The following STK32C variants were observed in gnomAD, a reference collection of about 807,000 sequenced individuals.
The protein encoded by STK32C is serine/threonine-protein kinase 32C.
Under a neutral mutation model 56.5 loss-of-function variants are expected in STK32C, and 31 were observed. That is an observed-to-expected ratio of 0.55 (90% CI 0.41 to 0.74). The LOEUF (loss-of-function observed/expected upper bound fraction) is 0.74, where lower values mean the gene tolerates loss of function less well. Ranked by LOEUF, STK32C falls within the 30% of genes least tolerant of loss-of-function variation. The probability of loss-of-function intolerance (pLI) is 0.00; values close to 1 mark genes in which losing one functional copy is unlikely to be tolerated. For synonymous variants in STK32C, 309 were observed against 289.4 expected, an observed-to-expected ratio of 1.07 and a Z score of -0.69; for missense variants, 544 against 676.9, an observed-to-expected ratio of 0.80 and a Z score of 2.18.
At chr10:132,240,207 C>T (rs372073871) in intron 2 of STK32C, among the ~76,000 whole-genome samples, 1 of 152,200 alleles carries the variant, frequency 6.6e-6, no homozygotes, top group Non-Finnish European at 1.5e-5. Context: ...TCCCAGAACC[C>T]GGACACCTGC....
chr10:132,283,427 G>A (rs771517875), intron 1 of STK32C, among the ~76,000 whole-genome samples: 8 of 152,222 alleles, frequency 5.3e-5, no homozygotes, highest in African/African-American at 1.7e-4. Context: ...CTCACCGTGC[G>A]ACCAGCGGAG....
chr10:132,307,572 C>G lies in STK32C; in HGVS notation c.262G>C (p.Val88Leu). 1.9e-6 allele frequency: 3 copies of G among 1,539,604 alleles called. No homozygotes were observed. The highest frequency in any genetic ancestry group is 2.6e-6 in the Non-Finnish European group (3 of 1,143,932). ...ACGTCGTCCCCGTGCCCGCACTCAC[C>G]GTCCTCCTTGTCGTCAAACACCGGC... ...RRPVFDDKED[V>L]NFDHFQILRA... Residue 88 changes from valine (V) to leucine (L), a missense_variant and splice_region_variant, in exon 1 of 12, where the codon GTG becomes CTG. Val to Leu is a conservative substitution (Grantham distance 32). Transcript: ENST00000298630. The surrounding 1 kb of genome is among the most constrained non-coding windows in gnomAD (Gnocchi z 4.4).
At chr10:132,268,404 A>AGTGTTG (rs2064671975) in intron 1 of STK32C, among the ~76,000 whole-genome samples, 1 of 58,186 alleles carries the variant, frequency 1.7e-5, no homozygotes, top group African/African-American at 7.3e-5. Context: ...TGTGTGTGTC[A>AGTGTTG]GTGTGTGTGC....
intron 1 of STK32C, among the ~76,000 whole-genome samples, chr10:132,327,526 A>C (rs796082495): frequency 7.2e-5 from 11 of 151,830 alleles, no homozygotes; most frequent in African/African-American, 2.7e-4. Context: ...CCCAGGCTGG[A>C]GTGCAGTGGC....
At chr10:132,309,174 C>A (rs1334305386), upstream of STK32C, among the ~76,000 whole-genome samples, 4 of 152,158 alleles carry the variant, frequency 2.6e-5, no homozygotes, top group East Asian at 7.7e-4. Context: ...GTGAGCCCTG[C>A]CTCCCCACGG....
intron 2 of STK32C, among the ~76,000 whole-genome samples, chr10:132,243,571 G>C (rs1565101104): frequency 6.6e-6 from 1 of 152,188 alleles, no homozygotes; most frequent in Non-Finnish European, 1.5e-5. Context: ...GACAGAACCG[G>C]GGGCACCATG....
chr10:132,264,932 T>C (rs555013211), intron 1 of STK32C, among the ~76,000 whole-genome samples: 14 of 152,372 alleles, frequency 9.2e-5, no homozygotes, highest in African/African-American at 1.4e-4. Flanking sequence ...TTCACAAAAG[T>C]TCAAGCCTCA....
At chr10:132,210,651 C>T (rs1488680789) in intron 10 of STK32C, among the ~76,000 whole-genome samples, 1 of 152,362 alleles carries the variant, frequency 6.6e-6, no homozygotes. Context: ...CTCCGATGAA[C>T]GGTTCAGGGA....
chr10:132,223,570 G>A (rs1035642983), intron 8 of STK32C, among the ~76,000 whole-genome samples: 4 of 152,242 alleles, frequency 2.6e-5, no homozygotes, highest in Admixed American at 2.0e-4. Context: ...GTGCCACCTT[G>A]TGAGCCACCT....
At chr10:132,294,457 T>G (rs1327809303) in intron 1 of STK32C, among the ~76,000 whole-genome samples, 1 of 152,078 alleles carries the variant, frequency 6.6e-6, no homozygotes, top group Non-Finnish European at 1.5e-5. Context: ...TGAGTGAGTT[T>G]GAGTTTTGCT....
chr10:132,225,096 A>G, intron 7 of STK32C, 137 bp downstream of exon 7: 2 of 670,718 alleles, frequency 3.0e-6, no homozygotes, highest in Non-Finnish European at 2.5e-6. Flanking sequence ...ACACTTCGAT[A>G]AAAGCGTGAC....
Position 132,240,682 on chromosome 10 carries a change from G to A in STK32C, c.318+5218C>T, listed in dbSNP as rs935734153. Among the ~76,000 whole-genome samples, 11 of 152,194 alleles carry A rather than the reference G, an allele frequency of 7.2e-5. 1 individual carries two copies. The South Asian group carries it at 8.3e-4, about 11-fold the overall frequency. On this transcript the variant is annotated intron_variant, in intron 2 of 11. Coordinates refer to ENST00000298630, the MANE Select transcript of STK32C (RefSeq NM_173575.4). ...CCACAGCCTGGGAAATGCGGACGCCGTGCGCCTGTGCTTCTCTCTCTCTCC... is the reference window on the plus strand; with the variant it reads ...CCACAGCCTGGGAAATGCGGACGCCATGCGCCTGTGCTTCTCTCTCTCTCC...
intron 10 of STK32C, among the ~76,000 whole-genome samples, chr10:132,221,958 T>G (rs2062682816): frequency 6.8e-6 from 1 of 147,596 alleles, no homozygotes; most frequent in African/African-American, 2.5e-5. Context: ...CCGACACACC[T>G]GGGCTAGTCT....
downstream of STK32C, chr10:132,323,963 C>T (rs1020803996): frequency 1.2e-4 from 50 of 403,996 alleles, no homozygotes; most frequent in Admixed American, 1.6e-3. This position sits in a 1 kb window ranked among gnomAD's most constrained non-coding sequence, Gnocchi z 4.8. Flanking sequence ...TAATGCTGTC[C>T]GGAGAGAGCG....
intron 1 of STK32C, among the ~76,000 whole-genome samples, chr10:132,318,246 C>A (rs1043825374): frequency 1.3e-5 from 2 of 150,254 alleles, no homozygotes; most frequent in East Asian, 2.0e-4. Context: ...CCAGCCTGGG[C>A]GACAGAAGGA....
At chr10:132,294,542 C>A (rs1412781234) in intron 1 of STK32C, among the ~76,000 whole-genome samples, 3 of 152,196 alleles carry the variant, frequency 2.0e-5, no homozygotes, top group Non-Finnish European at 4.4e-5. Flanking sequence ...GTTGCTTATT[C>A]ACTCAACAGC....
At chr10:132,209,528 AG>A (rs2062222263) in intron 10 of STK32C, among the ~76,000 whole-genome samples, 1 of 152,234 alleles carries the variant, frequency 6.6e-6, no homozygotes, top group Non-Finnish European at 1.5e-5. Context: ...TCCTGGAACC[AG>A]GGCTGTCTTA....
intron 8 of STK32C, 43 bp downstream of exon 8, chr10:132,224,364 G>A (rs1408417715): frequency 1.6e-5 from 23 of 1,420,238 alleles, no homozygotes; most frequent in Non-Finnish European, 2.1e-5. Flanking sequence ...AGGGAGGGAG[G>A]TGGGTGCTCG....
At chr10:132,253,192 T>C (rs1023788305) in intron 1 of STK32C, among the ~76,000 whole-genome samples, 3 of 152,238 alleles carry the variant, frequency 2.0e-5, no homozygotes, top group Non-Finnish European at 4.4e-5. Flanking sequence ...CAAGGAGCTT[T>C]TCCGGAAAGC....
Sources: allele counts gnomAD v4.1 joint callset (sites outside exome capture counted in the v4.1 genomes callset), GRCh38; gene constraint gnomAD v4.1.1; non-coding constraint Gnocchi (gnomAD v3.1); transcripts MANE v1.5; gene names NCBI Gene and HGNC (gene_info 2026-07-23, HGNC 2026-07-21).